The following ZNF248 variants were observed in gnomAD, a reference collection of about 807,000 sequenced individuals.
The protein encoded by ZNF248 is KRAB protein domain.
A neutral mutation model predicts 44.3 loss-of-function variants in ZNF248; 20 were observed. That is an observed-to-expected ratio of 0.45 (90% CI 0.32 to 0.66). The LOEUF (loss-of-function observed/expected upper bound fraction) is 0.66, where lower values mean the gene tolerates loss of function less well. Ranked by LOEUF, ZNF248 falls within the 30% of genes least tolerant of loss-of-function variation. The pLI, the probability that ZNF248 is intolerant of heterozygous loss-of-function variation, is 0.04. For missense variants in ZNF248, 654 were observed against 677.0 expected (o/e 0.97, Z 0.38); for synonymous variants, 224 against 229.0 (o/e 0.98, Z 0.20).
chr10:37,843,293 C>A (rs889362570), intron 3 of ZNF248, among the ~76,000 whole-genome samples: 4 of 151,842 alleles, frequency 2.6e-5, no homozygotes, highest in Admixed American at 1.3e-4. Flanking sequence ...GGCGTGGTGG[C>A]GCATGCCTGT....
intron 6 of ZNF248, among the ~76,000 whole-genome samples, chr10:37,798,163 A>AT (rs1229271425): frequency 2.0e-5 from 3 of 152,168 alleles, no homozygotes; most frequent in Non-Finnish European, 4.4e-5. Flanking sequence ...GACATGCTAC[A>AT]ATAAATGAAT....
At chr10:37,761,898 C>A in the ZNF248 span, among the ~76,000 whole-genome samples, 1 of 152,192 alleles carries the variant, frequency 6.6e-6, no homozygotes, top group Non-Finnish European at 1.5e-5. Flanking sequence ...CTGCTAGAGA[C>A]CATCAATCCA....
intron 6 of ZNF248, among the ~76,000 whole-genome samples, chr10:37,822,955 C>T (rs1224397222): frequency 6.6e-6 from 1 of 152,020 alleles, no homozygotes; most frequent in African/African-American, 2.4e-5. Flanking sequence ...AAAACTTGGT[C>T]AAGATGTTTA....
At chr10:37,788,561 CA>C (rs1322598004) in intron 6 of ZNF248, among the ~76,000 whole-genome samples, 1 of 152,094 alleles carries the variant, frequency 6.6e-6, no homozygotes, top group Non-Finnish European at 1.5e-5. Flanking sequence ...GTGGAGGTTG[CA>C]GTGAGCCATG....
intron 3 of ZNF248, among the ~76,000 whole-genome samples, chr10:37,855,602 G>A (rs1267622945): frequency 1.3e-5 from 2 of 152,148 alleles, no homozygotes; most frequent in Non-Finnish European, 2.9e-5. Context: ...TCAGAGGGTG[G>A]CATTACAGAC....
intron 3 of ZNF248, among the ~76,000 whole-genome samples, chr10:37,851,791 A>C (rs1025720240): frequency 1.6e-4 from 24 of 150,936 alleles, no homozygotes; most frequent in Non-Finnish European, 1.5e-5. Context: ...AAAAAAAAAA[A>C]AAACCAGTGC....
chr10:37,828,883 CAT>C lies in ZNF248; in HGVS notation c.*2730_*2731del. 5 of 985,380 alleles carry C rather than the reference CAT, an allele frequency of 5.1e-6. No individual in the cohort carries two copies. Among genetic ancestry groups the C allele is most frequent in the Non-Finnish European group, 6.0e-6 (5 of 829,896 alleles). The allele number at this position is 985,380 out of a possible 1,614,324, so 61.0% of individuals were successfully genotyped here. Reference sequence around the variant, plus strand: ...AATTTAATATAATGTCTGCTTCACACATGTTGAAGGAGAGACATACCTGTGTA... The same window carrying C: ...AATTTAATATAATGTCTGCTTCACACGTTGAAGGAGAGACATACCTGTGTA... On this transcript the variant is annotated 3_prime_UTR_variant, in exon 6 of 6. Coordinates refer to ENST00000395867, the MANE Select transcript of ZNF248 (RefSeq NM_021045.3).
the ZNF248 span, among the ~76,000 whole-genome samples, chr10:37,762,134 G>T: frequency 6.6e-6 from 1 of 152,168 alleles, no homozygotes; most frequent in East Asian, 1.9e-4. Flanking sequence ...ATTCTAGGTA[G>T]ACAATGAAAC....
At chr10:37,795,876 TC>T (rs2049094707) in intron 6 of ZNF248, 1 of 152,220 alleles carries the variant, frequency 6.6e-6, no homozygotes, top group African/African-American at 2.4e-5. Flanking sequence ...TTATGATTAA[TC>T]ATTATTTTGT....
At chr10:37,764,451 T>G in the ZNF248 span, among the ~76,000 whole-genome samples, 3 of 152,230 alleles carry the variant, frequency 2.0e-5, no homozygotes, top group African/African-American at 7.2e-5. Flanking sequence ...TGCCTCCATT[T>G]GCCTTGTAAT....
At chr10:37,792,158 A>G (rs941026275) in intron 6 of ZNF248, among the ~76,000 whole-genome samples, 1 of 152,184 alleles carries the variant, frequency 6.6e-6, no homozygotes, top group Non-Finnish European at 1.5e-5. Flanking sequence ...ATGTAATTTC[A>G]TGATAGCTCC....
intron 5 of ZNF248, among the ~76,000 whole-genome samples, chr10:37,837,026 A>G (rs951960503): frequency 6.6e-6 from 1 of 152,058 alleles, no homozygotes; most frequent in South Asian, 2.1e-4. Context: ...CCAAGAAAAC[A>G]TATCTAAAAT....
chr10:37,777,892 T>C (rs999661037), intron 6 of ZNF248, among the ~76,000 whole-genome samples: 3 of 152,154 alleles, frequency 2.0e-5, no homozygotes, highest in African/African-American at 7.2e-5. Flanking sequence ...TGCATAGTAT[T>C]CCACGGTGTA....
chr10:37,852,751 T>C (rs1302884085), intron 3 of ZNF248, among the ~76,000 whole-genome samples: 2 of 150,534 alleles, frequency 1.3e-5, no homozygotes, highest in Admixed American at 6.6e-5. Flanking sequence ...ATATTTCATA[T>C]AGAAACAGTA....
At chr10:37,838,713 T>A (rs1324433029) in intron 3 of ZNF248, among the ~76,000 whole-genome samples, 2 of 151,270 alleles carry the variant, frequency 1.3e-5, no homozygotes, top group Non-Finnish European at 2.9e-5. Context: ...AGTAAAAAAA[T>A]TCATGGTATG....
At chr10:37,780,275 G>C (rs1344956129) in intron 6 of ZNF248, among the ~76,000 whole-genome samples, 2 of 152,042 alleles carry the variant, frequency 1.3e-5, no homozygotes, top group Non-Finnish European at 2.9e-5. Context: ...ATACTACAAG[G>C]CTACAGTAAC....
At position 37,838,045 on chromosome 10, in the gene ZNF248, C is replaced by T. The variant is rs773079791; in HGVS notation, c.82G>A (p.Ala28Thr). 1.9e-6 allele frequency: 3 copies of T among 1,613,682 alleles called. No homozygotes were observed. Among genetic ancestry groups the T allele is most frequent in the Non-Finnish European group, 2.5e-6 (3 of 1,179,798 alleles). Residue 28 changes from alanine (A) to threonine (T), a missense_variant, in exon 4 of 6, where the codon GCT (alanine) becomes ACT (threonine). By Grantham distance (58) the Ala-to-Thr change is moderately conservative. Coordinates refer to ENST00000395867, the MANE Select transcript of ZNF248 (RefSeq NM_021045.3). ...TQEEWYLLDPAQKILYRDVIL... is the reference protein window; with the variant it reads ...TQEEWYLLDPTQKILYRDVIL... ...ACATCTCTGTATAGAATCTTCTGAG[C>T]AGGGTCCAGCAGATACCACTCTTCC...
At chr10:37,838,225 G>T in intron 3 of ZNF248, 114 bp from the exon 4 acceptor site, 1 of 920,452 alleles carries the variant, frequency 1.1e-6, no homozygotes, top group South Asian at 1.8e-5. Flanking sequence ...ACCTCCCTCT[G>T]TGCTGCTATA....
the ZNF248 span, among the ~76,000 whole-genome samples, chr10:37,770,452 C>T: frequency 2.6e-5 from 4 of 152,278 alleles, no homozygotes; most frequent in Non-Finnish European, 5.9e-5. Flanking sequence ...GAACAGAGCC[C>T]TCAGAAATAA....
Sources: allele counts gnomAD v4.1 joint callset (sites outside exome capture counted in the v4.1 genomes callset), GRCh38; gene constraint gnomAD v4.1.1; transcripts MANE v1.5; gene names NCBI Gene and HGNC (gene_info 2026-07-23, HGNC 2026-07-21).